Variants in DLGAP1 observed in about 807,000 individuals in gnomAD.
The protein encoded by DLGAP1 is DLG associated protein 1, also known as disks large-associated protein 1.
DLGAP1 carries 11 observed loss-of-function variants against 90.8 expected under a neutral mutation model. The ratio of observed to expected loss-of-function variants is 0.12; its 90% CI spans 0.08 to 0.20. The LOEUF (loss-of-function observed/expected upper bound fraction) is 0.20, where lower values mean the gene tolerates loss of function less well. Ranked by LOEUF, DLGAP1 falls within the 10% of genes least tolerant of loss-of-function variation. The pLI is 1.00. For missense variants in DLGAP1, 1,050 were observed against 1,333.8 expected, an observed-to-expected ratio of 0.79 and a Z score of 3.31; for synonymous variants, 558 against 540.7, an observed-to-expected ratio of 1.03 and a Z score of -0.44.
chr18:4,135,279 A>C (rs2144250126), intron 2 of DLGAP1, among the ~76,000 whole-genome samples: 1 of 152,148 alleles, frequency 6.6e-6, no homozygotes, highest in South Asian at 2.1e-4. Flanking sequence ...AGGGGGGAGC[A>C]GATGAAAGGG....
intron 1 of DLGAP1, among the ~76,000 whole-genome samples, chr18:4,452,013 A>G (rs1254514364): frequency 6.6e-6 from 1 of 152,142 alleles, no homozygotes; most frequent in African/African-American, 2.4e-5. Context: ...CCAATGGAAA[A>G]AGAGAAAATA....
In DLGAP1 at chr18:4,031,082, G is replaced by A. The variant is rs193113852; in HGVS notation, c.-158-25881C>T. The stretch of plus-strand genomic sequence containing the variant: ...TCTTCTTTGGCCTCTCAAACATGGC[G>A]CCATTCCTATTGAAGTCAGCAGGGG... On this transcript the variant is annotated intron_variant, in intron 2 of 12. Transcript: ENST00000315677. Among the ~76,000 whole-genome samples the A allele has an allele frequency of 2.0e-4, 31 of 152,034 alleles. 1 individual carries two copies. In the East Asian group the frequency reaches 5.4e-3, roughly 27 times the overall value.
intron 1 of DLGAP1, among the ~76,000 whole-genome samples, chr18:4,206,119 G>A (rs1453050115): frequency 6.6e-6 from 1 of 152,138 alleles, no homozygotes; most frequent in Non-Finnish European, 1.5e-5. Flanking sequence ...ATAGTGGACT[G>A]GAGAAAGGAG....
rs150503314 is a variant in DLGAP1 at position 3,886,918 on chromosome 18, G to A, written c.-72-6778C>T. ...GGCTGGAACGCAGCTGTGGGGGCTG[G>A]GTGAATAGTGATCTTTCCCATGAGG... is the stretch of plus-strand genomic sequence containing the variant. On this transcript the variant is annotated intron_variant, in intron 3 of 12. Coordinates refer to ENST00000315677, the MANE Select transcript of DLGAP1 (RefSeq NM_004746.4). 9.2e-3 allele frequency among the ~76,000 whole-genome samples: 1,394 copies of A among 152,268 alleles called. 7 individuals carry two copies. The highest frequency in any genetic ancestry group is 0.031 in the Middle Eastern group (9 of 294).
chr18:4,421,510 G>A (rs559097596), intron 1 of DLGAP1, among the ~76,000 whole-genome samples: 1 of 152,030 alleles, frequency 6.6e-6, no homozygotes, highest in East Asian at 1.9e-4. Context: ...TGTCTTTTAG[G>A]GGATTACTAT....
At chr18:4,060,793 A>G (rs1276531480) in intron 2 of DLGAP1, among the ~76,000 whole-genome samples, 1 of 152,216 alleles carries the variant, frequency 6.6e-6, no homozygotes, top group Non-Finnish European at 1.5e-5. Flanking sequence ...CTTGTCCTAA[A>G]GCAAAATGAC....
chr18:4,249,569 T>C (rs2078735065), intron 1 of DLGAP1, among the ~76,000 whole-genome samples: 1 of 152,162 alleles, frequency 6.6e-6, no homozygotes, highest in African/African-American at 2.4e-5. Flanking sequence ...GATGGATTTC[T>C]GCATTTGTTT....
intron 6 of DLGAP1, among the ~76,000 whole-genome samples, chr18:3,733,868 A>G (rs540920856): frequency 1.3e-5 from 2 of 152,310 alleles, no homozygotes; most frequent in Non-Finnish European, 2.9e-5. Context: ...TCCAGCATAA[A>G]CCATTCCTGT....
chr18:3,745,249 TAA>T (rs2063220016), intron 5 of DLGAP1, among the ~76,000 whole-genome samples: 2 of 152,230 alleles, frequency 1.3e-5, no homozygotes, highest in South Asian at 4.1e-4. Context: ...TTTGCAGTGA[TAA>T]AACAGTTCTA....
chr18:3,845,370 G>A (rs2068949133), intron 4 of DLGAP1: 19 of 1,512,800 alleles, frequency 1.3e-5, no homozygotes, highest in Non-Finnish European at 1.7e-5. Flanking sequence ...GTTGAGTGAG[G>A]CAGTAAACAC....
intron 7 of DLGAP1, among the ~76,000 whole-genome samples, chr18:3,635,153 G>A (rs1204301334): frequency 6.8e-6 from 1 of 148,020 alleles, no homozygotes; most frequent in African/African-American, 2.5e-5. Flanking sequence ...TTTTTTGAGA[G>A]GGAGTCTCGC....
chr18:4,314,470 A>C (rs1157920145), intron 1 of DLGAP1, among the ~76,000 whole-genome samples: 3 of 152,262 alleles, frequency 2.0e-5, no homozygotes, highest in Non-Finnish European at 4.4e-5. Context: ...CCTACTATGT[A>C]AACTTGCCTG....
intron 7 of DLGAP1, among the ~76,000 whole-genome samples, chr18:3,680,676 C>G (rs1598328067): frequency 6.6e-6 from 1 of 151,030 alleles, no homozygotes; most frequent in Non-Finnish European, 1.5e-5. Flanking sequence ...GTAGTCCCAG[C>G]TACTTGGGAG....
chr18:4,325,018 C>G (rs1487030201), intron 1 of DLGAP1, among the ~76,000 whole-genome samples: 2 of 152,112 alleles, frequency 1.3e-5, no homozygotes, highest in African/African-American at 4.8e-5. Context: ...CCGACAAGCA[C>G]AGTCAGGCAA....
intron 4 of DLGAP1, among the ~76,000 whole-genome samples, chr18:3,817,973 G>A (rs1016204865): frequency 1.3e-5 from 2 of 152,196 alleles, no homozygotes; most frequent in Non-Finnish European, 2.9e-5. Context: ...AAGAGTGCAG[G>A]TCCTCATTGA....
At chr18:3,634,219 C>T (rs1275663105) in intron 7 of DLGAP1, among the ~76,000 whole-genome samples, 2 of 151,762 alleles carry the variant, frequency 1.3e-5, no homozygotes, top group Non-Finnish European at 2.9e-5. Context: ...TGAACATCCC[C>T]CCCCACTATA....
chr18:3,503,430 T>A (rs2050051192), intron 11 of DLGAP1, among the ~76,000 whole-genome samples: 1 of 152,194 alleles, frequency 6.6e-6, no homozygotes, highest in Non-Finnish European at 1.5e-5. Context: ...CCAGAACATA[T>A]AAACCTGAAT....
At chr18:4,034,188 C>T (rs2074850826) in intron 2 of DLGAP1, among the ~76,000 whole-genome samples, 1 of 151,704 alleles carries the variant, frequency 6.6e-6, no homozygotes, top group Non-Finnish European at 1.5e-5. Context: ...ATTACAAGCG[C>T]CCACCACCAC....
At chr18:3,521,735 G>A (rs1179913900) in intron 10 of DLGAP1, among the ~76,000 whole-genome samples, 6 of 152,166 alleles carry the variant, frequency 3.9e-5, no homozygotes, top group Non-Finnish European at 8.8e-5. Flanking sequence ...CGACCAGAAT[G>A]TGAGCTCTTT....
Sources: allele counts gnomAD v4.1 joint callset (sites outside exome capture counted in the v4.1 genomes callset), GRCh38; gene constraint gnomAD v4.1.1; transcripts MANE v1.5; gene names NCBI Gene and HGNC (gene_info 2026-07-23, HGNC 2026-07-21).